The following NBPF15 variants were observed in gnomAD, a reference collection of about 807,000 sequenced individuals.
The protein encoded by NBPF15 is NBPF family member NBPF15.
Under a neutral mutation model 62.2 loss-of-function variants are expected in NBPF15, and 74 were observed. The observed-to-expected ratio is 1.19, with a 90% CI of 0.99 to 1.44. The LOEUF is 1.44. Among genes scored for constraint, NBPF15 ranks in the 40% most tolerant of loss-of-function variants. The pLI is 0.00. For missense variants in NBPF15, 790 were observed against 550.0 expected, an observed-to-expected ratio of 1.44 and a Z score of -4.36; for synonymous variants, 244 against 209.7, an observed-to-expected ratio of 1.16 and a Z score of -1.41.
At chr1:144,428,960 C>T (rs1254422786) in intron 14 of NBPF15, among the ~76,000 whole-genome samples, 4 of 152,018 alleles carry the variant, frequency 2.6e-5, no homozygotes, top group African/African-American at 9.7e-5. Flanking sequence ...ATAGTTCTAA[C>T]ACCTCATAGG....
Position 144,427,389 on chromosome 1 carries a change from T to A in NBPF15, c.1214-291A>T, listed in dbSNP as rs1392234014. Among the ~76,000 whole-genome samples the A allele has an allele frequency of 2.2e-5, 3 of 138,630 alleles. No homozygotes were observed. The East Asian group carries it at 6.3e-4, about 29-fold the overall frequency. 90.9% of individuals were successfully genotyped at this position (138,630 alleles called of 152,430 possible). ...ATTTTTCCAATCGATTTAAAGCAAATGCCCCCAAATGGTTGCTAGGAGAAA... is the reference window on the plus strand; with the variant it reads ...ATTTTTCCAATCGATTTAAAGCAAAAGCCCCCAAATGGTTGCTAGGAGAAA... On this transcript the variant is annotated intron_variant, in intron 16 of 21. Transcript: ENST00000581897.
intron 4 of NBPF15, among the ~76,000 whole-genome samples, chr1:144,452,498 C>A (rs1691825477): frequency 6.6e-6 from 1 of 151,484 alleles, no homozygotes; most frequent in African/African-American, 2.4e-5. Context: ...CAGACCCAGT[C>A]ATGGGGACCA....
intron 12 of NBPF15, among the ~76,000 whole-genome samples, chr1:144,434,409 G>A (rs1272587398): frequency 6.8e-6 from 1 of 147,748 alleles, no homozygotes; most frequent in Non-Finnish European, 1.5e-5. Flanking sequence ...GCTGAGGCAG[G>A]AGAATCACTT....
intron 2 of NBPF15, among the ~76,000 whole-genome samples, chr1:144,459,791 A>G (rs1553547924): frequency 6.6e-6 from 1 of 151,832 alleles, no homozygotes; most frequent in African/African-American, 2.4e-5. Context: ...CACCCCTACT[A>G]GAATGGCAAA....
At chr1:144,448,215 G>T (rs1216651624) in intron 6 of NBPF15, among the ~76,000 whole-genome samples, 1 of 152,104 alleles carries the variant, frequency 6.6e-6, no homozygotes, top group East Asian at 1.9e-4. Flanking sequence ...AAAGGAGGAG[G>T]TACTGAATTA....
chr1:144,432,052 C>T (rs1433005457), intron 13 of NBPF15, among the ~76,000 whole-genome samples: 2 of 151,896 alleles, frequency 1.3e-5, no homozygotes, highest in African/African-American at 2.4e-5. Context: ...GTTCTAGATC[C>T]CTGAGGAATT....
chr1:144,423,055 A>C lies in NBPF15; in HGVS notation c.1971T>G (p.Ser657Arg), dbSNP rs782148231. ...CTCCCATCTGGAACACCAGGTGGAG[A>C]CTTGTCACCGTCAAAGTAAAAAACC... is the stretch of plus-strand genomic sequence containing the variant. ...DNRFFTLTVT[S>R]LHLVFQMGVI... Residue 657 changes from serine to arginine, a missense_variant, in exon 22 of 22, where the codon AGT becomes AGG. Coordinates refer to ENST00000581897, the MANE Select transcript of NBPF15 (RefSeq NM_001385408.1). The C allele has an allele frequency of 2.1e-5, 34 of 1,611,510 alleles. 1 individual carries two copies. Among genetic ancestry groups the C allele is most frequent in the Non-Finnish European group, 2.8e-5 (33 of 1,179,642 alleles).
chr1:144,435,259 G>A lies in NBPF15; in HGVS notation c.624C>T (p.Ala208=). 6.2e-7 allele frequency: 1 copy of A among 1,612,620 alleles called. No homozygotes were observed. ...EVPEDSLEEC[A]ITCSNSHGPY... Reference sequence around the variant, plus strand: ...GGCCATGGCTATTTGAACAAGTGATGGCACATTCCTCCAGTGAGTCCTCAG... The same window carrying A: ...GGCCATGGCTATTTGAACAAGTGATAGCACATTCCTCCAGTGAGTCCTCAG... Residue 208 remains alanine, a synonymous_variant, in exon 12 of 22, where the codon GCC becomes GCT. Transcript: ENST00000581897.
chr1:144,437,610 T>A (rs1679480660), intron 9 of NBPF15, among the ~76,000 whole-genome samples: 2 of 151,388 alleles, frequency 1.3e-5, no homozygotes, highest in African/African-American at 4.9e-5. Flanking sequence ...TGATTCTCAC[T>A]AAGGGTAAGT....
At chr1:144,441,876 A>G (rs1350590144) in intron 6 of NBPF15, among the ~76,000 whole-genome samples, 1 of 149,316 alleles carries the variant, frequency 6.7e-6, no homozygotes, top group Non-Finnish European at 1.5e-5. Flanking sequence ...CATTTCCCCA[A>G]TGAAGGGCAT....
At chr1:144,423,711 G>A (rs1667440167) in intron 21 of NBPF15, among the ~76,000 whole-genome samples, 159 bp downstream of exon 21, 1 of 151,902 alleles carries the variant, frequency 6.6e-6, no homozygotes, top group African/African-American at 2.4e-5. Flanking sequence ...GGAAGAAATG[G>A]AAACCTAAAC....
At chr1:144,428,317 C>T (rs1359402598) in intron 15 of NBPF15, among the ~76,000 whole-genome samples, 5 of 150,940 alleles carry the variant, frequency 3.3e-5, no homozygotes, top group African/African-American at 7.4e-5. Flanking sequence ...TCATGAAAAG[C>T]ATGTCCTCAA....
At chr1:144,442,180 A>ACGTGT (rs1165418667) in intron 6 of NBPF15, among the ~76,000 whole-genome samples, 1 of 96,372 alleles carries the variant, frequency 1.0e-5, no homozygotes, top group African/African-American at 4.3e-5. Context: ...ATATATATAT[A>ACGTGT]ATATATATAC....
chr1:144,423,685 G>C (rs1667421781), intron 21 of NBPF15, among the ~76,000 whole-genome samples, 185 bp downstream of exon 21: 2 of 151,990 alleles, frequency 1.3e-5, no homozygotes, highest in Non-Finnish European at 1.5e-5. Flanking sequence ...TGGTACGTTA[G>C]TAAATGATAA....
At chr1:144,458,226 T>G (rs1366242862) in intron 3 of NBPF15, among the ~76,000 whole-genome samples, 1 of 152,052 alleles carries the variant, frequency 6.6e-6, no homozygotes. Flanking sequence ...GGTAATTAAG[T>G]ATACCTAAGA....
At chr1:144,435,708 CAG>C (rs1677720840) in intron 11 of NBPF15, 71 bp downstream of exon 11, 4 of 912,550 alleles carry the variant, frequency 4.4e-6, no homozygotes, top group Non-Finnish European at 7.4e-6. Context: ...TCATAGATGC[CAG>C]AGAGGGTGTG....
chr1:144,445,368 C>T (rs1295818969), intron 6 of NBPF15, among the ~76,000 whole-genome samples: 1 of 141,002 alleles, frequency 7.1e-6, no homozygotes, highest in Non-Finnish European at 1.5e-5. Flanking sequence ...CACACACACA[C>T]ACACACACAC....
At position 144,422,910 on chromosome 1, in the gene NBPF15, C is replaced by A; in HGVS notation, c.*103G>T. On this transcript the variant is annotated 3_prime_UTR_variant, in exon 22 of 22. Coordinates refer to ENST00000581897, the MANE Select transcript of NBPF15 (RefSeq NM_001385408.1). ...AATAGAGCCATGCTCACTGACCCATCCTATGTCTGGGCTTCCAAATGGAAC... is the reference window on the plus strand; with the variant it reads ...AATAGAGCCATGCTCACTGACCCATACTATGTCTGGGCTTCCAAATGGAAC... 1.2e-6 allele frequency: 2 copies of A among 1,609,980 alleles called. No homozygotes were observed. The highest frequency in any genetic ancestry group is 1.3e-5 in the African/African-American group (1 of 74,866).
chr1:144,431,363 A>C (rs1283805260), intron 13 of NBPF15, among the ~76,000 whole-genome samples: 5 of 149,656 alleles, frequency 3.3e-5, no homozygotes, highest in Non-Finnish European at 7.4e-5. Context: ...CCATCAGACT[A>C]GTAGCAGATC....
Sources: allele counts gnomAD v4.1 joint callset (sites outside exome capture counted in the v4.1 genomes callset), GRCh38; gene constraint gnomAD v4.1.1; transcripts MANE v1.5; gene names NCBI Gene and HGNC (gene_info 2026-07-23, HGNC 2026-07-21).